The following GRM1 variants were observed in gnomAD, a reference collection of about 807,000 sequenced individuals.
The protein encoded by GRM1 is glutamate metabotropic receptor 1.
GRM1 carries 33 observed loss-of-function variants against 90.9 expected under a neutral mutation model. The observed-to-expected ratio is 0.36, with a 90% CI of 0.28 to 0.49. The LOEUF (loss-of-function observed/expected upper bound fraction) is 0.49, where lower values mean the gene tolerates loss of function less well. Ranked by LOEUF, GRM1 falls within the 20% of genes least tolerant of loss-of-function variation. GRM1 has a pLI of 0.99. For missense variants in GRM1, 1,190 were observed against 1,534.3 expected, an observed-to-expected ratio of 0.78 and a Z score of 3.75; for synonymous variants, 700 against 613.2, an observed-to-expected ratio of 1.14 and a Z score of -2.09.
At chr6:146,090,635 C>T (rs565221042) in intron 1 of GRM1, among the ~76,000 whole-genome samples, 218 of 152,192 alleles carry the variant, frequency 1.4e-3, no homozygotes, top group Non-Finnish European at 2.7e-3. Context: ...TGAGTCAGGG[C>T]AAGTTCAGCC....
chr6:146,242,832 C>T (rs1239259319), intron 2 of GRM1, among the ~76,000 whole-genome samples: 1 of 152,096 alleles, frequency 6.6e-6, no homozygotes, highest in Non-Finnish European at 1.5e-5. Context: ...GCACACCAGA[C>T]ATGAGAGACT....
At chr6:146,166,143 G>A (rs1777895207) in intron 2 of GRM1, among the ~76,000 whole-genome samples, 1 of 152,078 alleles carries the variant, frequency 6.6e-6, no homozygotes, top group Non-Finnish European at 1.5e-5. Flanking sequence ...ACATGTTCTT[G>A]TAGCACTTGT....
At chr6:146,146,952 C>G (rs537160799) in intron 1 of GRM1, among the ~76,000 whole-genome samples, 3 of 152,230 alleles carry the variant, frequency 2.0e-5, no homozygotes, top group African/African-American at 7.2e-5. Flanking sequence ...ATGGCTGCTA[C>G]ACCTCCAGGC....
At chr6:146,147,202 G>T (rs749726216) in intron 1 of GRM1, among the ~76,000 whole-genome samples, 9 of 152,204 alleles carry the variant, frequency 5.9e-5, no homozygotes, top group South Asian at 2.1e-4. Flanking sequence ...AAGAAGAACA[G>T]AGGAATAGAT....
intron 2 of GRM1, among the ~76,000 whole-genome samples, chr6:146,219,711 T>C (rs1779991491): frequency 6.6e-6 from 1 of 151,054 alleles, no homozygotes; most frequent in South Asian, 2.1e-4. Flanking sequence ...TAAATATATT[T>C]CTTATAGAAT....
At chr6:146,418,702 C>A (rs548974164) in intron 7 of GRM1, among the ~76,000 whole-genome samples, 1 of 152,022 alleles carries the variant, frequency 6.6e-6, no homozygotes, top group South Asian at 2.1e-4. Flanking sequence ...AAAATTATTT[C>A]TTGCTAATAT....
At position 146,264,248 on chromosome 6, in the gene GRM1, T is replaced by C. The variant is rs1462323106; in HGVS notation, c.951-40363T>C. On this transcript the variant is annotated intron_variant, in intron 2 of 7. Transcript: ENST00000282753. ...CTGTCCTATAGAAGAAATCAAACGG[T>C]GTTTTCAGTGTTCTAAAATGAGTCA... Among the ~76,000 whole-genome samples, 7 of 152,214 alleles carry C rather than the reference T, an allele frequency of 4.6e-5. No homozygotes were observed. The East Asian group carries it at 1.4e-3, about 29-fold the overall frequency.
intron 1 of GRM1, among the ~76,000 whole-genome samples, chr6:146,152,383 C>G (rs1310841827): frequency 1.3e-5 from 2 of 151,628 alleles, no homozygotes; most frequent in Non-Finnish European, 2.9e-5. Flanking sequence ...ATCCTTAAAT[C>G]TAGGATGACG....
At chr6:146,330,188 G>T (rs538149728) in intron 3 of GRM1, among the ~76,000 whole-genome samples, 3 of 152,108 alleles carry the variant, frequency 2.0e-5, no homozygotes, top group African/African-American at 7.2e-5. Context: ...CTTTAATTCC[G>T]CTGGCTGGGA....
intron 2 of GRM1, among the ~76,000 whole-genome samples, chr6:146,285,024 C>T (rs769648228): frequency 3.2e-4 from 49 of 152,184 alleles, no homozygotes; most frequent in Non-Finnish European, 4.6e-4. Flanking sequence ...ACATTCCCTT[C>T]AGATCACTCT....
chr6:146,337,361 G>T (rs1784812600), intron 3 of GRM1, among the ~76,000 whole-genome samples: 2 of 152,136 alleles, frequency 1.3e-5, no homozygotes, highest in Admixed American at 1.3e-4. Context: ...TTAAAAAATT[G>T]GAAAATCACA....
In GRM1 at chr6:146,359,811, G is replaced by A. The variant is rs362900; in HGVS notation, c.1602+2117G>A. ...GTTATCGAAGGAGATCCCAGAAGTT[G>A]TTGCTGAGCCATTACAGAGCATTCA... On this transcript the variant is annotated intron_variant, in intron 5 of 7. Coordinates refer to ENST00000282753, the MANE Select transcript of GRM1 (RefSeq NM_001278064.2). 6.3e-3 allele frequency among the ~76,000 whole-genome samples: 965 copies of A among 152,248 alleles called. 7 individuals carry two copies. The highest frequency in any genetic ancestry group is 9.2e-3 in the Non-Finnish European group (627 of 68,032).
intron 7 of GRM1, among the ~76,000 whole-genome samples, chr6:146,431,495 T>C (rs959522433): frequency 6.6e-6 from 1 of 152,166 alleles, no homozygotes; most frequent in African/African-American, 2.4e-5. Flanking sequence ...CTTTTTGCTA[T>C]TATGTGTAGA....
At chr6:146,051,521 T>A (rs1775292770) in intron 1 of GRM1, among the ~76,000 whole-genome samples, 1 of 152,094 alleles carries the variant, frequency 6.6e-6, no homozygotes, top group Non-Finnish European at 1.5e-5. Context: ...ATCCCTTGAC[T>A]GCTTTGCATC....
In GRM1 at chr6:146,242,110, C is replaced by T. The variant is rs201646702; in HGVS notation, c.951-62501C>T. On this transcript the variant is annotated intron_variant, in intron 2 of 7. Coordinates refer to ENST00000282753, the MANE Select transcript of GRM1 (RefSeq NM_001278064.2). ...GAGTCAGGAATGGGCAAGCTGTGTT[C>T]AGGAGCACAGTGACAGTATCACCCT... Among the ~76,000 whole-genome samples the T allele has an allele frequency of 3.3e-5, 5 of 152,220 alleles. No homozygotes were observed. The East Asian group carries it at 7.7e-4, about 24-fold the overall frequency.
At chr6:146,352,749 C>A (rs1785452234) in intron 4 of GRM1, among the ~76,000 whole-genome samples, 1 of 152,212 alleles carries the variant, frequency 6.6e-6, no homozygotes, top group Non-Finnish European at 1.5e-5. Context: ...TCACCTATCA[C>A]TTGACCCTTT....
rs936645058 is a variant in GRM1 at position 146,424,956 on chromosome 6, T to A, written c.2661-8916T>A. Among the ~76,000 whole-genome samples, 4 of 152,212 alleles carry A rather than the reference T, an allele frequency of 2.6e-5. No homozygotes were observed. The South Asian group carries it at 8.3e-4, about 32-fold the overall frequency. On this transcript the variant is annotated intron_variant, in intron 7 of 7. Transcript: ENST00000282753. ...GTTTTAATGATCTTTTGATTTCGAG[T>A]AGGCATCTTGAATGTCAGGGGCATA...
At chr6:146,090,561 A>G (rs1268766842) in intron 1 of GRM1, among the ~76,000 whole-genome samples, 1 of 151,934 alleles carries the variant, frequency 6.6e-6, no homozygotes, top group East Asian at 1.9e-4. Flanking sequence ...AGCAAAATAA[A>G]CTCTCTTAAC....
At chr6:146,062,241 G>A (rs879667357) in intron 1 of GRM1, among the ~76,000 whole-genome samples, 1 of 151,618 alleles carries the variant, frequency 6.6e-6, no homozygotes, top group Non-Finnish European at 1.5e-5. Flanking sequence ...ACTATCACAA[G>A]AACAGAAAAC....
Sources: gnomAD v4.1 joint callset for allele counts (sites outside exome capture counted in the v4.1 genomes callset) on GRCh38, gnomAD v4.1.1 for gene constraint, MANE v1.5 for transcripts, NCBI Gene and HGNC (gene_info 2026-07-23, HGNC 2026-07-21) for gene names.